Variants in RANBP2 observed in about 807,000 individuals in gnomAD.
RANBP2 encodes the protein RAN binding protein 2.
Under a neutral mutation model 303.6 loss-of-function variants are expected in RANBP2, and 57 were observed. The ratio of observed to expected loss-of-function variants is 0.19; its 90% confidence interval spans 0.15 to 0.23. The LOEUF is 0.23. Among genes scored for constraint, RANBP2 ranks in the 10% least tolerant of loss-of-function variants. The pLI is 1.00. For missense variants in RANBP2, 3,138 were observed against 3,780.8 expected (o/e 0.83, Z 4.46); for synonymous variants, 1,167 against 1,301.5 (o/e 0.90, Z 2.23).
the RANBP2 span, among the ~76,000 whole-genome samples, chr2:109,532,502 T>C: frequency 6.6e-6 from 1 of 152,118 alleles, no homozygotes; most frequent in South Asian, 2.1e-4. Context: ...ACCTGTGACT[T>C]CCCTAAAATC....
chr2:108,847,673 A>G, the RANBP2 span, among the ~76,000 whole-genome samples: 177 of 152,344 alleles, frequency 1.2e-3, 1 homozygote, highest in African/African-American at 4.0e-3. Flanking sequence ...TAGTCAGGCA[A>G]TAAATATACC....
chr2:109,630,941 C>T, the RANBP2 span, among the ~76,000 whole-genome samples: 2 of 152,144 alleles, frequency 1.3e-5, no homozygotes, highest in Non-Finnish European at 2.9e-5. Flanking sequence ...TGGCAGGCAC[C>T]TCTAATCCCA....
chr2:108,901,645 CAGAT>C, the RANBP2 span, among the ~76,000 whole-genome samples: 1 of 152,070 alleles, frequency 6.6e-6, no homozygotes, highest in Admixed American at 6.6e-5. Context: ...AGATATCAAA[CAGAT>C]AATAAGATAA....
Position 108,764,625 on chromosome 2 carries a change from A to T in RANBP2, c.4086A>T (p.Ser1362=). Residue 1362 remains serine, a synonymous_variant, in exon 20 of 29, where the codon TCA becomes TCT. Coordinates refer to ENST00000283195, the MANE Select transcript of RANBP2 (RefSeq NM_006267.5). ...CTTGGTGGCATTGTAACAGCTGCTC[A>T]TTAAAGAATGCTTCAACTGCTAAGA... ...EGSWWHCNSC[S]LKNASTAKKC... is the part of the protein sequence containing the mutation. 1 of 1,614,098 alleles carries T rather than the reference A, an allele frequency of 6.2e-7. No individual in the cohort carries two copies. Among genetic ancestry groups the T allele is most frequent in the Admixed American group, 1.7e-5 (1 of 60,016 alleles).
chr2:109,488,007 G>A, the RANBP2 span, among the ~76,000 whole-genome samples: 7 of 152,218 alleles, frequency 4.6e-5, no homozygotes, highest in Non-Finnish European at 1.0e-4. Flanking sequence ...AAACAGAAGT[G>A]GGCAGAGAAA....
chr2:109,484,215 T>C, the RANBP2 span, among the ~76,000 whole-genome samples: 2 of 152,036 alleles, frequency 1.3e-5, no homozygotes, highest in Non-Finnish European at 2.9e-5. Context: ...TACAGGCGCT[T>C]GCCACCACGC....
chr2:108,987,737 C>G, the RANBP2 span, among the ~76,000 whole-genome samples: 66 of 152,298 alleles, frequency 4.3e-4, no homozygotes, highest in African/African-American at 1.6e-3. Flanking sequence ...CCACCAGGAT[C>G]GCCAAACTTT....
chr2:109,035,907 G>A, the RANBP2 span, among the ~76,000 whole-genome samples: 6 of 152,130 alleles, frequency 3.9e-5, no homozygotes, highest in Middle Eastern at 3.2e-3. Flanking sequence ...GAGAAATGAA[G>A]CATTATTCAT....
chr2:108,804,409 A>G, the RANBP2 span, among the ~76,000 whole-genome samples: 2 of 152,222 alleles, frequency 1.3e-5, no homozygotes, highest in East Asian at 3.8e-4. Flanking sequence ...AAAAGCAGGC[A>G]TCAAAAATTT....
the RANBP2 span, among the ~76,000 whole-genome samples, chr2:108,804,698 TTTG>T: frequency 6.6e-6 from 1 of 152,180 alleles, no homozygotes; most frequent in Non-Finnish European, 1.5e-5. Context: ...CCTTTGATGT[TTTG>T]TTGTTATCTT....
the RANBP2 span, chr2:109,593,037 AAAGACATACTCACTATCTG>A: frequency 6.4e-7 from 1 of 1,553,676 alleles, no homozygotes; most frequent in Non-Finnish European, 8.7e-7. Flanking sequence ...TATCTATTTA[AAAGACATACTCACTATCTG>A]TTCATCATCT....
At chr2:109,484,544 G>GCCC in the RANBP2 span, among the ~76,000 whole-genome samples, 1 of 152,016 alleles carries the variant, frequency 6.6e-6, no homozygotes, top group Non-Finnish European at 1.5e-5. Context: ...CTTGAGGCCC[G>GCCC]CCCCCTCCTG....
the RANBP2 span, among the ~76,000 whole-genome samples, chr2:109,565,397 C>T: frequency 2.0e-4 from 31 of 152,064 alleles, no homozygotes; most frequent in East Asian, 4.4e-3. Flanking sequence ...TGGAAATAGC[C>T]GGCAATACTT....
At chr2:108,781,216 G>A in intron 25 of RANBP2, 53 bp from the exon 26 acceptor site, 5 of 1,581,164 alleles carry the variant, frequency 3.2e-6, no homozygotes, top group Non-Finnish European at 3.5e-6. Context: ...AGAGGGGGAT[G>A]AAAAATGTAA....
intron 17 of RANBP2, among the ~76,000 whole-genome samples, chr2:108,756,362 G>A (rs1284386516): frequency 1.3e-5 from 2 of 152,150 alleles, no homozygotes; most frequent in East Asian, 3.9e-4. Flanking sequence ...TAACAATAGG[G>A]TTCAAAGGAG....
chr2:108,983,578 C>T, the RANBP2 span, among the ~76,000 whole-genome samples: 2 of 152,204 alleles, frequency 1.3e-5, no homozygotes, highest in African/African-American at 2.4e-5. Flanking sequence ...GCTCCTCCCT[C>T]GTGATCCATC....
chr2:109,717,580 C>A, the RANBP2 span, among the ~76,000 whole-genome samples: 4 of 146,390 alleles, frequency 2.7e-5, no homozygotes, highest in Non-Finnish European at 3.0e-5. Flanking sequence ...AAAACTCCAT[C>A]TCAAAAAACA....
the RANBP2 span, among the ~76,000 whole-genome samples, chr2:109,442,917 A>T: frequency 2.6e-5 from 4 of 152,268 alleles, no homozygotes; most frequent in Admixed American, 2.0e-4. Context: ...AGATTGTCAC[A>T]TATTACTAAA....
At chr2:108,989,753 TCAA>T in the RANBP2 span, among the ~76,000 whole-genome samples, 2 of 152,048 alleles carry the variant, frequency 1.3e-5, no homozygotes, top group African/African-American at 4.8e-5. Context: ...ATTTGAAACA[TCAA>T]CATTTTGAAA....
Sources: gnomAD v4.1 joint callset for allele counts (sites outside exome capture counted in the v4.1 genomes callset) on GRCh38, gnomAD v4.1.1 for gene constraint, MANE v1.5 for transcripts, NCBI Gene and HGNC (gene_info 2026-07-23, HGNC 2026-07-21) for gene names.